Variants in CDC42BPB observed in about 807,000 individuals in gnomAD.
CDC42BPB encodes the protein CDC42 binding protein kinase beta, also known as serine/threonine-protein kinase MRCK beta.
A neutral mutation model predicts 214.9 loss-of-function variants in CDC42BPB; 37 were observed. The ratio of observed to expected loss-of-function variants is 0.17; its 90% CI spans 0.13 to 0.23. The LOEUF is 0.23. CDC42BPB is among the 10% of genes least tolerant of loss of function. The pLI is 1.00. For synonymous variants in CDC42BPB, 931 were observed against 884.0 expected (o/e 1.05, Z -0.94); for missense variants, 1,694 against 2,227.0 (o/e 0.76, Z 4.82).
At chr14:102,962,051 ATATAAAAAGATGCTCAATC>A (rs944625587) in intron 20 of CDC42BPB, among the ~76,000 whole-genome samples, 10 of 152,250 alleles carry the variant, frequency 6.6e-5, no homozygotes, top group African/African-American at 2.2e-4. Context: ...TCCCTCAAAC[ATATAAAAAGATGCTCAATC>A]TTACTTATGA....
At chr14:103,041,546 C>A in intron 1 of CDC42BPB, 13 of 1,352,702 alleles carry the variant, frequency 9.6e-6, no homozygotes, top group Non-Finnish European at 1.3e-5. Context: ...ATGGTTCAAC[C>A]AGCCGGCCCG....
In CDC42BPB at chr14:102,966,946, G is replaced by A. The variant is rs34741291; in HGVS notation, c.2471+100C>T. 4,290 of 1,372,422 alleles carry A rather than the reference G, an allele frequency of 3.1e-3. 103 individuals carry two copies. The African/African-American group carries it at 0.055, about 17-fold the overall frequency. 85.0% of individuals were successfully genotyped at this position (1,372,422 alleles called of 1,614,324 possible). On this transcript the variant is annotated intron_variant, in intron 17 of 36. Coordinates refer to ENST00000361246, the MANE Select transcript of CDC42BPB (RefSeq NM_006035.4). ...ACCTGCACCCCAGCCTGAGAGGCACGGCCTGGCGTGGAGCACAGGATCAGG... is the reference window on the plus strand; with the variant it reads ...ACCTGCACCCCAGCCTGAGAGGCACAGCCTGGCGTGGAGCACAGGATCAGG...
chr14:103,045,021 G>A (rs1025436709), intron 1 of CDC42BPB, among the ~76,000 whole-genome samples: 1 of 147,890 alleles, frequency 6.8e-6, no homozygotes, highest in African/African-American at 2.5e-5. Flanking sequence ...CCAATATAGG[G>A]AGACTCTGTC....
rs370438565 is a variant in CDC42BPB at position 103,033,385 on chromosome 14, C to A, written c.176-21197G>T. On this transcript the variant is annotated intron_variant, in intron 1 of 36. Coordinates refer to ENST00000361246, the MANE Select transcript of CDC42BPB (RefSeq NM_006035.4). ...TACAGGCGCCCACCACCATGCCCAG[C>A]TAATTTTTTTGTATTTTTAGTAGAG... 4.6e-5 allele frequency among the ~76,000 whole-genome samples: 7 copies of A among 152,138 alleles called. No homozygotes were observed. The East Asian group carries it at 5.8e-4, about 13-fold the overall frequency.
intron 5 of CDC42BPB, among the ~76,000 whole-genome samples, chr14:102,998,610 T>C (rs1004341335): frequency 2.1e-4 from 32 of 152,192 alleles, no homozygotes; most frequent in African/African-American, 5.5e-4. Context: ...GGAGCTGCCC[T>C]CCCAGCCGAG....
At chr14:103,008,824 G>A (rs896913571) in intron 2 of CDC42BPB, 7 of 236,670 alleles carry the variant, frequency 3.0e-5, no homozygotes, top group Non-Finnish European at 4.8e-5. Flanking sequence ...GAGGTTAATG[G>A]CAGGACCGGA....
At chr14:102,935,713 C>A (rs1260699469) in intron 36 of CDC42BPB, among the ~76,000 whole-genome samples, 1 of 150,266 alleles carries the variant, frequency 6.7e-6, no homozygotes, top group Non-Finnish European at 1.5e-5. Context: ...TCACTTGATC[C>A]CAGGAAACAA....
chr14:102,967,613 C>CA (rs940212095), intron 16 of CDC42BPB, among the ~76,000 whole-genome samples: 13 of 152,238 alleles, frequency 8.5e-5, no homozygotes, highest in Non-Finnish European at 7.3e-5. Flanking sequence ...TTCCAGGCCC[C>CA]AAGCCTGCAT....
At chr14:102,971,547 C>T (rs1441656947) in intron 13 of CDC42BPB, among the ~76,000 whole-genome samples, 1 of 152,220 alleles carries the variant, frequency 6.6e-6, no homozygotes, top group Non-Finnish European at 1.5e-5. Context: ...ATCTTGGCGC[C>T]TCCCACAGTG....
At chr14:103,051,906 C>T (rs945017880) in intron 1 of CDC42BPB, among the ~76,000 whole-genome samples, 5 of 151,830 alleles carry the variant, frequency 3.3e-5, no homozygotes, top group South Asian at 2.1e-4. Flanking sequence ...TGTGCAGTGG[C>T]GCAATCTCAG....
chr14:102,963,175 G>T lies in CDC42BPB; in HGVS notation c.2727-20C>A. On this transcript the variant is annotated intron_variant, in intron 19 of 36. Transcript: ENST00000361246. ...AGTTTGCTAAAATAAAAAATAAATG[G>T]CTTTAAGTGCACTGAGAAGAGGTTG... The T allele has an allele frequency of 6.4e-7, 1 of 1,565,888 alleles. No individual in the cohort carries two copies. The highest frequency in any genetic ancestry group is 8.7e-7 in the Non-Finnish European group (1 of 1,146,896).
intron 21 of CDC42BPB, among the ~76,000 whole-genome samples, chr14:102,957,058 G>A (rs749050244): frequency 2.1e-4 from 31 of 148,732 alleles, no homozygotes; most frequent in Non-Finnish European, 3.4e-4. Context: ...AAAATTAGCC[G>A]GGCATAGTGG....
intron 1 of CDC42BPB, among the ~76,000 whole-genome samples, chr14:103,056,614 G>A (rs1028810468): frequency 6.8e-6 from 1 of 146,894 alleles, no homozygotes; most frequent in African/African-American, 2.5e-5. Flanking sequence ...AGTGCTGCAG[G>A]AAATGATATC....
At chr14:102,945,791 C>A in intron 28 of CDC42BPB, 67 bp from the exon 29 acceptor site, 1 of 1,363,370 alleles carries the variant, frequency 7.3e-7, no homozygotes, top group South Asian at 1.2e-5. Flanking sequence ...GGTTTGAATG[C>A]GTGGGTGGGC....
At chr14:102,991,430 G>C (rs146239884) in intron 5 of CDC42BPB, among the ~76,000 whole-genome samples, 106 of 152,358 alleles carry the variant, frequency 7.0e-4, no homozygotes, top group Admixed American at 1.7e-3. Flanking sequence ...GATTAAAAGA[G>C]ATTAAAGAAG....
rs769436597 is a variant in CDC42BPB, at chr14:102,974,122, T to C, written c.1535A>G (p.Glu512Gly). ...ADSNRLERQL[E>G]DTVALRQERE... ...CTCTTGGCGAAGCGCCACTGTGTCCTCAAGCTGTCGCTCGAGCCTGTTTGA... is the reference window on the plus strand; with the variant it reads ...CTCTTGGCGAAGCGCCACTGTGTCCCCAAGCTGTCGCTCGAGCCTGTTTGA... The change falls in exon 12 of 37, where the codon GAG (glutamate) becomes GGG (glycine). Residue 512 changes from glutamate to glycine, a missense_variant. By Grantham distance (98) the Glu-to-Gly change is moderately conservative. Transcript: ENST00000361246. The C allele has an allele frequency of 9.9e-6, 16 of 1,613,788 alleles. No individual in the cohort carries two copies. The highest frequency in any genetic ancestry group is 1.4e-5 in the Non-Finnish European group (16 of 1,179,916).
intron 21 of CDC42BPB, among the ~76,000 whole-genome samples, chr14:102,957,048 A>AT (rs1892740400): frequency 6.9e-6 from 1 of 145,182 alleles, no homozygotes; most frequent in African/African-American, 2.6e-5. Context: ...AAAAAAAAAA[A>AT]AAATTAGCCG....
Position 102,936,732 on chromosome 14 carries a change from TC to T in CDC42BPB, c.5004+1371del, listed in dbSNP as rs1891661866. On this transcript the variant is annotated intron_variant, in intron 36 of 36. Transcript: ENST00000361246. ...GGCCTTGAACTCCTCAGGCCATCCT[TC>T]CACCTCAGCTTCACTAGTAGCTGGT... 2.0e-5 allele frequency among the ~76,000 whole-genome samples: 3 copies of T among 152,214 alleles called. No homozygotes were observed. In the South Asian group the frequency reaches 6.2e-4, roughly 32 times the overall value.
chr14:102,945,115 C>A (rs760797073), intron 29 of CDC42BPB: 1 of 380,988 alleles, frequency 2.6e-6, no homozygotes, highest in Non-Finnish European at 5.3e-6. Context: ...CCGCCCTTCT[C>A]GCTCCACGGC....
Sources: gnomAD v4.1 joint callset for allele counts (sites outside exome capture counted in the v4.1 genomes callset) on GRCh38, gnomAD v4.1.1 for gene constraint, MANE v1.5 for transcripts, NCBI Gene and HGNC (gene_info 2026-07-23, HGNC 2026-07-21) for gene names.